PTPRO: variants seen among roughly 807,000 people sequenced by gnomAD.
The protein encoded by PTPRO is protein tyrosine phosphatase receptor type O, also known as receptor-type tyrosine-protein phosphatase O.
Under a neutral mutation model 145.2 loss-of-function variants are expected in PTPRO, and 62 were observed. The observed-to-expected ratio is 0.43, with a 90% CI of 0.35 to 0.53. The LOEUF (loss-of-function observed/expected upper bound fraction) is 0.53. Ranked by LOEUF, PTPRO falls within the 20% of genes least tolerant of loss-of-function variation. The pLI is 0.01. For missense variants in PTPRO, 1,345 were observed against 1,482.7 expected, an observed-to-expected ratio of 0.91 and a Z score of 1.53; for synonymous variants, 565 against 514.7, an observed-to-expected ratio of 1.10 and a Z score of -1.32.
At chr12:15,508,859 C>T in intron 7 of PTPRO, 92 bp downstream of exon 7, 1 of 1,279,680 alleles carries the variant, frequency 7.8e-7, no homozygotes, top group Non-Finnish European at 1.1e-6. Flanking sequence ...GGAAGCCAGG[C>T]TGAGGTCTGC....
chr12:15,569,962 G>T (rs1944003723), intron 19 of PTPRO, among the ~76,000 whole-genome samples: 1 of 152,134 alleles, frequency 6.6e-6, no homozygotes. Context: ...CAAGCTATAG[G>T]ACTCCTGGCA....
At chr12:15,358,924 TA>T (rs919307406) in intron 1 of PTPRO, among the ~76,000 whole-genome samples, 6 of 152,262 alleles carry the variant, frequency 3.9e-5, no homozygotes, top group Non-Finnish European at 7.3e-5. Context: ...TTGGCATTTT[TA>T]CATCACTTTT....
intron 1 of PTPRO, among the ~76,000 whole-genome samples, chr12:15,437,826 G>A (rs927166835): frequency 6.6e-6 from 1 of 152,176 alleles, no homozygotes; most frequent in Non-Finnish European, 1.5e-5. Flanking sequence ...ATTCTCACTT[G>A]ATACTGGTGC....
intron 1 of PTPRO, among the ~76,000 whole-genome samples, chr12:15,465,446 A>G (rs1941394761): frequency 6.6e-6 from 1 of 152,260 alleles, no homozygotes; most frequent in South Asian, 2.1e-4. Flanking sequence ...ACTTGGGGAC[A>G]GAAGAATTTT....
chr12:15,470,358 G>A (rs1020805456), intron 1 of PTPRO, among the ~76,000 whole-genome samples: 2 of 152,296 alleles, frequency 1.3e-5, no homozygotes, highest in South Asian at 4.1e-4. Flanking sequence ...TTCTTCTTCT[G>A]TGAATTGAGA....
chr12:15,565,644 T>G lies in PTPRO; in HGVS notation c.2747+16T>G. 1 of 1,405,942 alleles carries G rather than the reference T, an allele frequency of 7.1e-7. No homozygotes were observed. Among genetic ancestry groups the G allele is most frequent in the Middle Eastern group, 1.8e-4 (1 of 5,526 alleles). The allele number at this position is 1,405,942 out of a possible 1,614,324, so 87.1% of individuals were successfully genotyped here. The stretch of plus-strand genomic sequence containing the variant: ...AACTGACAAAGTAAGTTTTTCTTAC[T>G]ATGTCATTTAAAAGGATGTTTGTTA... On this transcript the variant is annotated intron_variant, in intron 18 of 26. Coordinates refer to ENST00000281171, the MANE Select transcript of PTPRO (RefSeq NM_030667.3).
intron 1 of PTPRO, among the ~76,000 whole-genome samples, chr12:15,345,594 ACCGGGG>A (rs1357622745): frequency 2.6e-5 from 4 of 151,644 alleles, no homozygotes; most frequent in African/African-American, 9.7e-5. Flanking sequence ...AACATCACAC[ACCGGGG>A]CCTGTCGGGG....
chr12:15,594,215 T>G (rs925010998), intron 25 of PTPRO, among the ~76,000 whole-genome samples: 10 of 152,134 alleles, frequency 6.6e-5, no homozygotes, highest in Admixed American at 5.9e-4. Context: ...TAATGTATTC[T>G]ACTGCTCTTA....
chr12:15,366,101 T>G (rs537511963), intron 1 of PTPRO, among the ~76,000 whole-genome samples: 5 of 152,166 alleles, frequency 3.3e-5, no homozygotes, highest in Admixed American at 6.5e-5. Flanking sequence ...ATGCTCATCT[T>G]CAAAGCAGAA....
At chr12:15,413,306 A>G (rs374113412) in intron 1 of PTPRO, among the ~76,000 whole-genome samples, 1 of 152,252 alleles carries the variant, frequency 6.6e-6, no homozygotes, top group South Asian at 2.1e-4. Flanking sequence ...CATGTTGCTC[A>G]GGCTGGTCTC....
intron 10 of PTPRO, among the ~76,000 whole-genome samples, chr12:15,521,078 C>T (rs951566704): frequency 2.6e-5 from 4 of 152,052 alleles, no homozygotes; most frequent in Admixed American, 2.6e-4. Flanking sequence ...GTGGTTTGAA[C>T]TAAGACGTTT....
At chr12:15,436,655 C>G (rs1187933035) in intron 1 of PTPRO, among the ~76,000 whole-genome samples, 1 of 152,226 alleles carries the variant, frequency 6.6e-6, no homozygotes, top group Non-Finnish European at 1.5e-5. Flanking sequence ...GAAGTTTTCT[C>G]AGACCCTGGA....
intron 1 of PTPRO, among the ~76,000 whole-genome samples, chr12:15,477,810 G>A (rs981472113): frequency 2.0e-5 from 3 of 152,110 alleles, no homozygotes; most frequent in Non-Finnish European, 4.4e-5. Context: ...TATCCTCCAT[G>A]GCACCATCAG....
At position 15,397,446 on chromosome 12, in the gene PTPRO, C is replaced by A. The variant is rs757623277; in HGVS notation, c.75+74645C>A. 4.9e-4 allele frequency among the ~76,000 whole-genome samples: 75 copies of A among 152,124 alleles called. 1 individual carries two copies. Among genetic ancestry groups the A allele is most frequent in the Non-Finnish European group, 7.4e-5 (5 of 68,026 alleles). ...CTGATTGAAAAGCCCCTACTTTGGA[C>A]TGACAGAGAGAATGAAGACTTACTT... On this transcript the variant is annotated intron_variant, in intron 1 of 26. Coordinates refer to ENST00000281171, the MANE Select transcript of PTPRO (RefSeq NM_030667.3).
intron 1 of PTPRO, among the ~76,000 whole-genome samples, chr12:15,470,404 G>T (rs1266037832): frequency 6.6e-6 from 1 of 152,158 alleles, no homozygotes; most frequent in East Asian, 1.9e-4. Flanking sequence ...GATCAAAGGA[G>T]AAAATATATT....
rs928868372 is a variant in PTPRO at position 15,408,578 on chromosome 12, C to T, written c.76-75396C>T. Among the ~76,000 whole-genome samples, 8 of 152,246 alleles carry T rather than the reference C, an allele frequency of 5.3e-5. 1 individual carries two copies. The East Asian group carries it at 1.4e-3, about 26-fold the overall frequency. ...GAGTAGCTGGGACTACAGGCGCCCACCACCACGCTTGGCTAATTTTTGTAT... is the reference window on the plus strand; with the variant it reads ...GAGTAGCTGGGACTACAGGCGCCCATCACCACGCTTGGCTAATTTTTGTAT... On this transcript the variant is annotated intron_variant, in intron 1 of 26. Transcript: ENST00000281171.
chr12:15,507,466 TAACACATAAA>T (rs1221604079), intron 6 of PTPRO, among the ~76,000 whole-genome samples: 4 of 144,630 alleles, frequency 2.8e-5, no homozygotes, highest in African/African-American at 1.0e-4. Flanking sequence ...ATGAAATACG[TAACACATAAA>T]AACTTAAAGA....
intron 2 of PTPRO, among the ~76,000 whole-genome samples, chr12:15,487,552 C>T (rs253854): frequency 0.02 from 3,015 of 152,232 alleles, 112 homozygotes; most frequent in East Asian, 0.14. Flanking sequence ...TTTCAATTAT[C>T]ATCTGCACAC....
chr12:15,524,395 A>G (rs1942793477), intron 10 of PTPRO, among the ~76,000 whole-genome samples: 2 of 152,166 alleles, frequency 1.3e-5, no homozygotes, highest in Non-Finnish European at 2.9e-5. Context: ...CTTTGCTGCA[A>G]GTAAATGAAA....
Sources: gnomAD v4.1 joint callset for allele counts (sites outside exome capture counted in the v4.1 genomes callset) on GRCh38, gnomAD v4.1.1 for gene constraint, MANE v1.5 for transcripts, NCBI Gene and HGNC (gene_info 2026-07-23, HGNC 2026-07-21) for gene names.